Variants in SLC6A15 observed in about 807,000 individuals in gnomAD.
SLC6A15 encodes the protein solute carrier family 6 member 15, also known as sodium-dependent neutral amino acid transporter B(0)AT2.
SLC6A15 carries 33 observed loss-of-function variants against 68.5 expected under a neutral mutation model. That is an observed-to-expected ratio of 0.48 (90% CI 0.37 to 0.64). The LOEUF (loss-of-function observed/expected upper bound fraction) is 0.64. Ranked by LOEUF, SLC6A15 falls within the 30% of genes least tolerant of loss-of-function variation. The pLI, the probability that SLC6A15 is intolerant of heterozygous loss-of-function variation, is 0.00. For missense variants in SLC6A15, 747 were observed against 874.3 expected (o/e 0.85, Z 1.84); for synonymous variants, 347 against 301.0 (o/e 1.15, Z -1.58).
chr12:84,910,918 G>T (rs893208762), intron 1 of SLC6A15, among the ~76,000 whole-genome samples: 1 of 134,338 alleles, frequency 7.4e-6, no homozygotes, highest in Non-Finnish European at 1.5e-5. Context: ...CTGTTGAGCC[G>T]CCCTCTTTCC....
chr12:84,903,767 G>A (rs900955348), intron 1 of SLC6A15, among the ~76,000 whole-genome samples: 16 of 151,990 alleles, frequency 1.1e-4, no homozygotes, highest in Non-Finnish European at 1.8e-4. Flanking sequence ...TGGATCTTCC[G>A]AAATCATATC....
chr12:84,870,736 G>A (rs2120565804), intron 8 of SLC6A15, 66 bp from the exon 9 acceptor site: 3 of 959,020 alleles, frequency 3.1e-6, no homozygotes, highest in Admixed American at 2.5e-5. Flanking sequence ...CTATATGTCA[G>A]TTACAATGAG....
chr12:84,865,603 G>A (rs1871030731), intron 10 of SLC6A15, among the ~76,000 whole-genome samples: 1 of 152,154 alleles, frequency 6.6e-6, no homozygotes, highest in African/African-American at 2.4e-5. Flanking sequence ...AACATTCTGT[G>A]CTCAGCGTAT....
intron 2 of SLC6A15, among the ~76,000 whole-genome samples, chr12:84,886,499 G>A (rs1312437752): frequency 6.6e-6 from 1 of 151,088 alleles, no homozygotes; most frequent in Non-Finnish European, 1.5e-5. Context: ...AGAAAAATTA[G>A]AGTGAATGAG....
At chr12:84,868,600 T>C (rs1158404427) in intron 9 of SLC6A15, among the ~76,000 whole-genome samples, 1 of 152,142 alleles carries the variant, frequency 6.6e-6, no homozygotes, top group African/African-American at 2.4e-5. Context: ...GAGTAATTCA[T>C]TTGCCTAAAT....
intron 1 of SLC6A15, among the ~76,000 whole-genome samples, chr12:84,902,711 A>G (rs1213821080): frequency 6.6e-6 from 1 of 152,082 alleles, no homozygotes; most frequent in Non-Finnish European, 1.5e-5. Context: ...TACCTAAAGG[A>G]AATGATACTC....
At chr12:84,894,696 C>T (rs540297620) in intron 1 of SLC6A15, among the ~76,000 whole-genome samples, 2 of 152,176 alleles carry the variant, frequency 1.3e-5, no homozygotes, top group South Asian at 4.1e-4. Context: ...TTGGCTACTA[C>T]TGCATGTTTT....
rs770106966 is a variant in SLC6A15 at position 84,863,636 on chromosome 12, T to C, written c.1656-35A>G. ...AAGAAAGTATTTAATTATTCCTTAA[T>C]TTAATATTGCTAAACCTTAAAAAAT... On this transcript the variant is annotated intron_variant, in intron 10 of 11. Transcript: ENST00000266682. The C allele has an allele frequency of 1.3e-5, 19 of 1,432,182 alleles. No individual in the cohort carries two copies. The South Asian group carries it at 2.8e-4, about 21-fold the overall frequency. 88.7% of individuals were successfully genotyped at this position (1,432,182 alleles called of 1,614,324 possible).
At chr12:84,878,162 G>T (rs1185271646) in intron 5 of SLC6A15, among the ~76,000 whole-genome samples, 1 of 151,980 alleles carries the variant, frequency 6.6e-6, no homozygotes, top group Non-Finnish European at 1.5e-5. Flanking sequence ...GAAAAAATAT[G>T]GATAAAATGC....
In SLC6A15 at chr12:84,878,629, A is replaced by C. The variant is rs145272449; in HGVS notation, c.757-2022T>G. 4.6e-3 allele frequency among the ~76,000 whole-genome samples: 707 copies of C among 152,194 alleles called. 6 individuals carry two copies. The highest frequency in any genetic ancestry group is 0.016 in the African/African-American group (675 of 41,572). On this transcript the variant is annotated intron_variant, in intron 5 of 11. Coordinates refer to ENST00000266682, the MANE Select transcript of SLC6A15 (RefSeq NM_182767.6). ...TGATTATGATTTTATCTAATAAAAT[A>C]TGCTTTTTAATTTTGTTTTAATTTT...
intron 6 of SLC6A15, 124 bp from the exon 7 acceptor site, chr12:84,873,452 G>T: frequency 9.0e-7 from 1 of 1,115,154 alleles, no homozygotes; most frequent in South Asian, 1.7e-5. Flanking sequence ...TATTTAAATC[G>T]GGAAATAATA....
At chr12:84,909,525 A>C (rs2120751518) in intron 1 of SLC6A15, among the ~76,000 whole-genome samples, 1 of 152,314 alleles carries the variant, frequency 6.6e-6, no homozygotes, top group South Asian at 2.1e-4. Flanking sequence ...TGATAAGCAA[A>C]GTAGAAATAA....
In SLC6A15 at chr12:84,860,646, A is replaced by C. The variant is rs931490095; in HGVS notation, c.*986T>G. 2.6e-5 allele frequency: 4 copies of C among 152,162 alleles called. No individual in the cohort carries two copies. The highest frequency in any genetic ancestry group is 9.6e-5 in the African/African-American group (4 of 41,464). 9.4% of individuals were successfully genotyped at this position (152,162 alleles called of 1,614,324 possible). A position where few individuals can be genotyped will look rare whatever the true frequency, so the allele number is the denominator to read the frequency against. On this transcript the variant is annotated 3_prime_UTR_variant, in exon 12 of 12. Transcript: ENST00000266682. ...ACAAAGAAAATCAATGTGAAAAACA[A>C]ACATCATTTTTAAACTTTGTTTATT...
At chr12:84,905,819 A>C (rs1286690750) in intron 1 of SLC6A15, among the ~76,000 whole-genome samples, 2 of 152,338 alleles carry the variant, frequency 1.3e-5, no homozygotes, top group Middle Eastern at 3.4e-3. Flanking sequence ...AGTCACATAA[A>C]TCAAGAAAGA....
Position 84,892,027 on chromosome 12 carries a change from C to G in SLC6A15, c.94G>C (p.Asp32His), listed in dbSNP as rs150047699. ...ATTAGTTCACTTGTCTTAAAAGCAT[C>G]ATCAGCTGCGTCTTCATTGGAAAGA... ...DLLSNEDAAD[D>H]AFKTSELIVD... Residue 32 changes from aspartate to histidine, a missense_variant, in exon 2 of 12, where the codon GAT becomes CAT. By Grantham distance (81) the Asp-to-His change is moderately conservative. Transcript: ENST00000266682. 146 of 1,613,762 alleles carry G rather than the reference C, an allele frequency of 9.0e-5. No homozygotes were observed. The highest frequency in any genetic ancestry group is 1.2e-4 in the Non-Finnish European group (142 of 1,179,966).
chr12:84,888,098 GGA>G (rs1872203407), intron 2 of SLC6A15, among the ~76,000 whole-genome samples: 1 of 144,908 alleles, frequency 6.9e-6, no homozygotes, highest in African/African-American at 2.6e-5. Context: ...AAAAAACAAA[GGA>G]AAAAAAAAAA....
chr12:84,874,260 C>T (rs1030421918), intron 6 of SLC6A15, among the ~76,000 whole-genome samples: 6 of 151,686 alleles, frequency 4.0e-5, no homozygotes, highest in Admixed American at 1.3e-4. Flanking sequence ...ATGGCGTGTC[C>T]TCTCTGAGTT....
At chr12:84,887,209 T>A (rs1872152236) in intron 2 of SLC6A15, among the ~76,000 whole-genome samples, 1 of 152,250 alleles carries the variant, frequency 6.6e-6, no homozygotes, top group African/African-American at 2.4e-5. Flanking sequence ...CAATGGTAAC[T>A]AATTCCTATT....
At chr12:84,897,292 A>T (rs1227256238) in intron 1 of SLC6A15, among the ~76,000 whole-genome samples, 2 of 152,080 alleles carry the variant, frequency 1.3e-5, no homozygotes, top group African/African-American at 2.4e-5. Flanking sequence ...CATGGAGGAC[A>T]GATGTAAAGA....
Sources: gnomAD v4.1 joint callset for allele counts (sites outside exome capture counted in the v4.1 genomes callset) on GRCh38, gnomAD v4.1.1 for gene constraint, MANE v1.5 for transcripts, NCBI Gene and HGNC (gene_info 2026-07-23, HGNC 2026-07-21) for gene names.